The following RUSF1 variants were observed in gnomAD, a reference collection of about 807,000 sequenced individuals.
RUSF1 encodes RUS1 family protein C16orf58.
Under a neutral mutation model 63.0 loss-of-function variants are expected in RUSF1, and 58 were observed. The ratio of observed to expected loss-of-function variants is 0.92; its 90% CI spans 0.75 to 1.15. RUSF1 has a LOEUF of 1.15. Ranked by LOEUF, RUSF1 falls within the 50% of genes most tolerant of loss-of-function variation. RUSF1 has a pLI of 0.00. For synonymous variants in RUSF1, 274 were observed against 255.8 expected (o/e 1.07, Z -0.68); for missense variants, 652 against 611.0 (o/e 1.07, Z -0.71).
chr16:31,491,638 T>TTTTTA (rs1448498430), intron 12 of RUSF1, among the ~76,000 whole-genome samples: 1 of 149,424 alleles, frequency 6.7e-6, no homozygotes, highest in African/African-American at 2.5e-5. Context: ...TTTTTTTTTT[T>TTTTTA]GAGAGAGGGT....
At chr16:31,507,013 A>G (rs2082662798) in intron 2 of RUSF1, among the ~76,000 whole-genome samples, 1 of 152,182 alleles carries the variant, frequency 6.6e-6, no homozygotes, top group Admixed American at 6.5e-5. Flanking sequence ...TTTTCCTTAG[A>G]TCTATTAGGT....
In RUSF1 at chr16:31,507,958, G is replaced by C. The variant is rs566439900; in HGVS notation, c.301-80C>G. 242 of 1,530,402 alleles carry C rather than the reference G, an allele frequency of 1.6e-4. 4 individuals are homozygous for C. In the East Asian group the frequency reaches 5.8e-3, roughly 37 times the overall value. The allele number at this position is 1,530,402 out of a possible 1,614,324, so 94.8% of individuals were successfully genotyped here. The stretch of plus-strand genomic sequence containing the variant: ...GTGCCTTCATCTGTTCTTGTTCTTG[G>C]TGTATGAGGCATGTCAGACCCCCCG... On this transcript the variant is annotated intron_variant, in intron 1 of 12. Coordinates refer to ENST00000327237, the MANE Select transcript of RUSF1 (RefSeq NM_022744.4).
chr16:31,502,725 T>G (rs1000339959), intron 2 of RUSF1, among the ~76,000 whole-genome samples: 4 of 152,216 alleles, frequency 2.6e-5, no homozygotes, highest in African/African-American at 9.6e-5. Flanking sequence ...ATCCCTCACT[T>G]TAACCTCTTC....
Position 31,499,242 on chromosome 16 carries a change from A to G in RUSF1, c.600+60T>C. 5 of 1,445,538 alleles carry G rather than the reference A, an allele frequency of 3.5e-6. No individual in the cohort carries two copies. The South Asian group carries it at 5.7e-5, about 17-fold the overall frequency. 89.5% of individuals were successfully genotyped at this position (1,445,538 alleles called of 1,614,324 possible). A position where few individuals can be genotyped will look rare whatever the true frequency, so the allele number is the denominator to read the frequency against. ...GCAGGTAAACTCACAGAGCCCAGGTAAACTCACACACTACCAAGGCAGGTG... is the reference window on the plus strand; with the variant it reads ...GCAGGTAAACTCACAGAGCCCAGGTGAACTCACACACTACCAAGGCAGGTG... On this transcript the variant is annotated intron_variant, in intron 5 of 12. Transcript: ENST00000327237.
rs374900599 is a variant in RUSF1 at position 31,489,962 on chromosome 16, G to A, written c.*873C>T. The A allele has an allele frequency of 4.5e-5, 49 of 1,083,506 alleles. 1 individual carries two copies. The East Asian group carries it at 1.0e-3, about 23-fold the overall frequency. 67.1% of individuals were successfully genotyped at this position (1,083,506 alleles called of 1,614,324 possible). A position where few individuals can be genotyped will look rare whatever the true frequency, so the allele number is the denominator to read the frequency against. The stretch of plus-strand genomic sequence containing the variant: ...CAGGGCAGCCATGTAGGGTGGAGTT[G>A]GCATGAGTTAAGCCTGGGCTGGGTG... On this transcript the variant is annotated 3_prime_UTR_variant, in exon 13 of 13. Coordinates refer to ENST00000327237, the MANE Select transcript of RUSF1 (RefSeq NM_022744.4).
intron 2 of RUSF1, among the ~76,000 whole-genome samples, chr16:31,506,359 T>A (rs1223685575): frequency 1.3e-5 from 2 of 152,306 alleles, no homozygotes; most frequent in South Asian, 2.1e-4. Flanking sequence ...CCAAAAAAAA[T>A]TCCAAAATCC....
At chr16:31,502,315 C>A (rs750107787) in intron 2 of RUSF1, among the ~76,000 whole-genome samples, 27 of 152,294 alleles carry the variant, frequency 1.8e-4, no homozygotes, top group South Asian at 4.2e-4. Flanking sequence ...ATGCATTCTC[C>A]CCTTTCCAGA....
At chr16:31,495,888 A>G (rs542039931) in intron 6 of RUSF1, among the ~76,000 whole-genome samples, 1 of 152,328 alleles carries the variant, frequency 6.6e-6, no homozygotes, top group East Asian at 1.9e-4. Flanking sequence ...AGTGCTTAAT[A>G]AATATTAGCT....
chr16:31,492,086 C>T lies in RUSF1; in HGVS notation c.1232G>A (p.Gly411Asp). The T allele has an allele frequency of 6.2e-7, 1 of 1,614,168 alleles. No homozygotes were observed. The highest frequency in any genetic ancestry group is 1.7e-5 in the Admixed American group (1 of 60,024). ...LEELRNRVRAGPKKESWVVVK... is the reference protein window; with the variant it reads ...LEELRNRVRADPKKESWVVVK... Reference sequence around the variant, plus strand: ...GACGACCCAGCTCTCTTTCTTAGGACCTGGGTACGGGGGTGCAGAACCAGA... The same window carrying T: ...GACGACCCAGCTCTCTTTCTTAGGATCTGGGTACGGGGGTGCAGAACCAGA... The change falls in exon 12 of 13, where the codon GGT (glycine) becomes GAT (aspartate). Residue 411 changes from glycine (G) to aspartate (D), a missense_variant and splice_region_variant. Transcript: ENST00000327237.
chr16:31,492,001 GAT>G lies in RUSF1; in HGVS notation c.1309+6_1309+7del, dbSNP rs1234942004. 1 of 1,613,906 alleles carries G rather than the reference GAT, an allele frequency of 6.2e-7. No homozygotes were observed. Among genetic ancestry groups the G allele is most frequent in the Non-Finnish European group, 8.5e-7 (1 of 1,179,902 alleles). ...GGGGCCAAGCAGCCATGGGCTGAGG[GAT>G]GTTACCTTTCAAGAACTTTGGGAAC... On this transcript the variant is annotated splice_donor_region_variant and intron_variant, in intron 12 of 12. Coordinates refer to ENST00000327237, the MANE Select transcript of RUSF1 (RefSeq NM_022744.4).
rs377331519 is a variant in RUSF1, at chr16:31,493,030, C to A, written c.1035G>T (p.Gln345His). 1 of 1,613,828 alleles carries A rather than the reference C, an allele frequency of 6.2e-7. No homozygotes were observed. Among genetic ancestry groups the A allele is most frequent in the African/African-American group, 1.3e-5 (1 of 74,916 alleles). Residue 345 changes from glutamine to histidine, a missense_variant, in exon 10 of 13, where the codon CAG (glutamine) becomes CAT (histidine). By Grantham distance (24) the Gln-to-His change is conservative (BLOSUM62 0). Coordinates refer to ENST00000327237, the MANE Select transcript of RUSF1 (RefSeq NM_022744.4). The part of the protein sequence containing the change: ...RLVSSVFELQ[Q>H]LVEGHQESYL... ...AGGATTCTTGGTGCCCCTCAACCAGCTGCTGCAGCTCAAAGACACTGTGGG... is the reference window on the plus strand; with the variant it reads ...AGGATTCTTGGTGCCCCTCAACCAGATGCTGCAGCTCAAAGACACTGTGGG...
In RUSF1 at chr16:31,499,286, C is replaced by A. The variant is rs2082620045; in HGVS notation, c.600+16G>T. ...GCAGGTGTTTTAGGCAGATGGGTGC[C>A]CCCACAGGCAGCTACCTTGGCTAGG... On this transcript the variant is annotated intron_variant, in intron 5 of 12. Coordinates refer to ENST00000327237, the MANE Select transcript of RUSF1 (RefSeq NM_022744.4). 1 of 1,605,372 alleles carries A rather than the reference C, an allele frequency of 6.2e-7. No individual in the cohort carries two copies. Among genetic ancestry groups the A allele is most frequent in the Admixed American group, 1.7e-5 (1 of 59,962 alleles).
intron 3 of RUSF1, 115 bp downstream of exon 3, chr16:31,500,571 G>T: frequency 7.4e-7 from 1 of 1,352,198 alleles, no homozygotes; most frequent in Non-Finnish European, 1.0e-6. Flanking sequence ...TAAGCACTTT[G>T]CATAGATCAT....
At chr16:31,506,402 G>A (rs924130631) in intron 2 of RUSF1, among the ~76,000 whole-genome samples, 1 of 152,200 alleles carries the variant, frequency 6.6e-6, no homozygotes, top group Non-Finnish European at 1.5e-5. Flanking sequence ...TTTTGGATAA[G>A]GGATATTCAA....
rs145256626 is a variant in RUSF1 at position 31,496,919 on chromosome 16, C to A, written c.632G>T (p.Arg211Leu). 6.2e-7 allele frequency: 1 copy of A among 1,609,386 alleles called. No homozygotes were observed. The highest frequency in any genetic ancestry group is 1.7e-5 in the Admixed American group (1 of 59,530). The change falls in exon 6 of 13, where the codon CGG (arginine) becomes CTG (leucine). Residue 211 changes from arginine to leucine, a missense_variant. Physicochemically the swap from Arg to Leu is moderately radical, Grantham distance 102. Coordinates refer to ENST00000327237, the MANE Select transcript of RUSF1 (RefSeq NM_022744.4). ...CIVSVAGGATRAALTVHQARR... is the reference protein window; with the variant it reads ...CIVSVAGGATLAALTVHQARR... ...AGCCTGGTGCACGGTCAGGGCAGCC[C>A]GAGTGGCCCCACCAGCAACACTCAC...
At position 31,508,346 on chromosome 16, in the gene RUSF1, G is replaced by C. The variant is rs1196200146; in HGVS notation, c.28C>G (p.Pro10Ala). 2.6e-6 allele frequency: 4 copies of C among 1,552,588 alleles called. No individual in the cohort carries two copies. Among genetic ancestry groups the C allele is most frequent in the Non-Finnish European group, 3.4e-6 (4 of 1,160,114 alleles). MADDAGLET[P>A]LCSEQFGSGE... ...GAGCCGAACTGCTCGGAACACAGCG[G>C]GGTCTCCAAACCCGCGTCGTCAGCC... Residue 10 changes from proline (P) to alanine (A), a missense_variant, in exon 1 of 13, where the codon CCG (proline) becomes GCG (alanine). Coordinates refer to ENST00000327237, the MANE Select transcript of RUSF1 (RefSeq NM_022744.4).
chr16:31,496,696 G>C (rs2082604850), intron 6 of RUSF1, among the ~76,000 whole-genome samples, 153 bp downstream of exon 6: 1 of 152,216 alleles, frequency 6.6e-6, no homozygotes, highest in African/African-American at 2.4e-5. Flanking sequence ...GCCGCCACCA[G>C]AGCCCAAACC....
intron 6 of RUSF1, among the ~76,000 whole-genome samples, chr16:31,494,512 T>C (rs2082592132): frequency 6.7e-6 from 1 of 148,486 alleles, no homozygotes; most frequent in African/African-American, 2.5e-5. Flanking sequence ...CAAGACTGTC[T>C]CCAAAAAAGA....
In RUSF1 at chr16:31,490,934, T is replaced by C; in HGVS notation, c.1310-2A>G. The stretch of plus-strand genomic sequence containing the variant: ...TCTTCCAGCCGGCATCCTGCAGTCC[T>C]GGGGAGAGATCATGGGGTGCTGCCG... On this transcript the variant is annotated splice_acceptor_variant, in intron 12 of 12. Transcript: ENST00000327237. LOFTEE classifies it high-confidence loss of function. 1 of 1,613,830 alleles carries C rather than the reference T, an allele frequency of 6.2e-7. No homozygotes were observed.
Sources: allele counts gnomAD v4.1 joint callset (sites outside exome capture counted in the v4.1 genomes callset), GRCh38; gene constraint gnomAD v4.1.1; transcripts MANE v1.5; gene names NCBI Gene and HGNC (gene_info 2026-07-23, HGNC 2026-07-21).